AKR1C1: variants seen among roughly 807,000 people sequenced by gnomAD.
The protein encoded by AKR1C1 is 20 alpha-hydroxysteroid dehydrogenase.
In AKR1C1, 32 loss-of-function variants were observed where a neutral mutation model predicts 40.6. The observed-to-expected ratio is 0.79, with a 90% CI of 0.60 to 1.06. The LOEUF (loss-of-function observed/expected upper bound fraction) is 1.06, where lower values mean the gene tolerates loss of function less well. Ranked by LOEUF, AKR1C1 falls within the 50% of genes least tolerant of loss-of-function variation. The pLI is 0.00. For missense variants in AKR1C1, 320 were observed against 363.5 expected, an observed-to-expected ratio of 0.88 and a Z score of 0.97; for synonymous variants, 105 against 134.2, an observed-to-expected ratio of 0.78 and a Z score of 1.50.
chr10:4,978,923 A>T lies in AKR1C1; in HGVS notation c.*1181A>T, dbSNP rs1386042955. 1 of 152,230 alleles carries T rather than the reference A, an allele frequency of 6.6e-6. No individual in the cohort carries two copies. 9.4% of individuals were successfully genotyped at this position (152,230 alleles called of 1,614,324 possible). On this transcript the variant is annotated 3_prime_UTR_variant, in exon 9 of 9. Coordinates refer to ENST00000380872, the MANE Select transcript of AKR1C1 (RefSeq NM_001353.6). Reference sequence around the variant, plus strand: ...CTAAGTTAATCAGCTAATCATGAAGACATGATTTTCATTTTAGAAAACACT... The same window carrying T: ...CTAAGTTAATCAGCTAATCATGAAGTCATGATTTTCATTTTAGAAAACACT...
chr10:4,972,630 G>A lies in AKR1C1; in HGVS notation c.727G>A (p.Ala243Thr). Reference sequence around the variant, plus strand: ...GCTCTTGGAGGACCCAGTCCTTTGTGCCTTGGCAAAAAAGCACAAGCGAAC... The same window carrying A: ...GCTCTTGGAGGACCCAGTCCTTTGTACCTTGGCAAAAAAGCACAAGCGAAC... ...PVLLEDPVLC[A>T]LAKKHKRTPA... Residue 243 changes from alanine (A) to threonine (T), a missense_variant, in exon 7 of 9, where the codon GCC becomes ACC. Coordinates refer to ENST00000380872, the MANE Select transcript of AKR1C1 (RefSeq NM_001353.6). 15 of 1,613,622 alleles carry A rather than the reference G, an allele frequency of 9.3e-6. No homozygotes were observed. Among genetic ancestry groups the A allele is most frequent in the Non-Finnish European group, 1.3e-5 (15 of 1,180,038 alleles).
chr10:4,974,494 T>A (rs1836494394), intron 7 of AKR1C1, among the ~76,000 whole-genome samples: 1 of 152,110 alleles, frequency 6.6e-6, no homozygotes, highest in Non-Finnish European at 1.5e-5. Flanking sequence ...TGTCTTATCC[T>A]ATATTGGGAA....
At position 4,965,930 on chromosome 10, in the gene AKR1C1, C is replaced by T; in HGVS notation, c.101C>T (p.Ala34Val). The part of the protein sequence containing the change: ...YAPAEVPKSK[A>V]LEATKLAIEA... ...CTCCCCCAGGTTCCTAAAAGTAAAGCTTTAGAGGCCACCAAATTGGCAATT... is the reference window on the plus strand; with the variant it reads ...CTCCCCCAGGTTCCTAAAAGTAAAGTTTTAGAGGCCACCAAATTGGCAATT... The change falls in exon 2 of 9, where the codon GCT becomes GTT. Residue 34 changes from alanine to valine, a missense_variant. Coordinates refer to ENST00000380872, the MANE Select transcript of AKR1C1 (RefSeq NM_001353.6). 1 of 1,614,004 alleles carries T rather than the reference C, an allele frequency of 6.2e-7. No homozygotes were observed. The highest frequency in any genetic ancestry group is 8.5e-7 in the Non-Finnish European group (1 of 1,179,916).
chr10:4,977,526 A>G (rs1347749486), intron 8 of AKR1C1, among the ~76,000 whole-genome samples, 174 bp from the exon 9 acceptor site: 2 of 152,224 alleles, frequency 1.3e-5, no homozygotes, highest in African/African-American at 4.8e-5. Flanking sequence ...TTATTTTGAA[A>G]ATACAGATAT....
intron 5 of AKR1C1, among the ~76,000 whole-genome samples, chr10:4,970,884 G>C (rs1484861242): frequency 6.6e-6 from 1 of 151,394 alleles, no homozygotes. Context: ...TAGGTGCAGC[G>C]TACCAACATG....
intron 7 of AKR1C1, among the ~76,000 whole-genome samples, chr10:4,973,343 G>A (rs1451495026): frequency 1.3e-5 from 2 of 152,112 alleles, no homozygotes; most frequent in Non-Finnish European, 2.9e-5. Flanking sequence ...CCTAAACTCA[G>A]TCCATTCCTT....
rs1439839765 is a variant in AKR1C1 at position 4,978,256 on chromosome 10, G to T, written c.*514G>T. Reference sequence around the variant, plus strand: ...ATGGGCTCCCTCCAGCAGTGCGAGGGTCAGAGTTTCTGGAGCCTTGGGAGG... The same window carrying T: ...ATGGGCTCCCTCCAGCAGTGCGAGGTTCAGAGTTTCTGGAGCCTTGGGAGG... On this transcript the variant is annotated 3_prime_UTR_variant, in exon 9 of 9. Coordinates refer to ENST00000380872, the MANE Select transcript of AKR1C1 (RefSeq NM_001353.6). The T allele has an allele frequency of 6.7e-6, 1 of 149,156 alleles. No individual in the cohort carries two copies. The highest frequency in any genetic ancestry group is 1.5e-5 in the Non-Finnish European group (1 of 67,912). The allele number at this position is 149,156 out of a possible 1,614,324, so 9.2% of individuals were successfully genotyped here.
At position 4,981,529 on chromosome 10, in the gene AKR1C1, A is replaced by G. The variant is rs1398930405; in HGVS notation, c.*3787A>G. On this transcript the variant is annotated 3_prime_UTR_variant, in exon 9 of 9. Coordinates refer to ENST00000380872, the MANE Select transcript of AKR1C1 (RefSeq NM_001353.6). ...CCCACTTGGAGATTAGTGTGTAGAGATTTACATTGTGAATTTCTTTTCAAG... is the reference window on the plus strand; with the variant it reads ...CCCACTTGGAGATTAGTGTGTAGAGGTTTACATTGTGAATTTCTTTTCAAG... 2 of 152,180 alleles carry G rather than the reference A, an allele frequency of 1.3e-5. No individual in the cohort carries two copies. Among genetic ancestry groups the G allele is most frequent in the Non-Finnish European group, 2.9e-5 (2 of 68,030 alleles). 9.4% of individuals were successfully genotyped at this position (152,180 alleles called of 1,614,324 possible).
Position 4,965,906 on chromosome 10 carries a change from T to A in AKR1C1, c.85-8T>A. The A allele has an allele frequency of 6.2e-7, 1 of 1,611,786 alleles. No homozygotes were observed. ...GTCAGAAAATACTACCTATGGTTAC[T>A]CCCCCAGGTTCCTAAAAGTAAAGCT... is the stretch of plus-strand genomic sequence containing the variant. On this transcript the variant is annotated splice_polypyrimidine_tract_variant and splice_region_variant and intron_variant, in intron 1 of 8. Coordinates refer to ENST00000380872, the MANE Select transcript of AKR1C1 (RefSeq NM_001353.6).
At position 4,979,524 on chromosome 10, in the gene AKR1C1, C is replaced by T. The variant is rs1836582911; in HGVS notation, c.*1782C>T. On this transcript the variant is annotated 3_prime_UTR_variant, in exon 9 of 9. Transcript: ENST00000380872. ...TCATAAACTTGACTGATGTAAGTGT[C>T]AAGAAAAGATTGACATTTTGTTAAA... is the stretch of plus-strand genomic sequence containing the variant. 6.6e-6 allele frequency: 1 copy of T among 152,010 alleles called. No individual in the cohort carries two copies. The highest frequency in any genetic ancestry group is 2.4e-5 in the African/African-American group (1 of 41,286). 9.4% of individuals were successfully genotyped at this position (152,010 alleles called of 1,614,324 possible).
intron 8 of AKR1C1, among the ~76,000 whole-genome samples, chr10:4,976,434 T>A: frequency 6.6e-6 from 1 of 152,134 alleles, no homozygotes; most frequent in Non-Finnish European, 1.5e-5. Context: ...GCATTTTTAA[T>A]CATTTCAAAC....
intron 3 of AKR1C1, chr10:4,967,326 A>T (rs748905949): frequency 8.8e-6 from 10 of 1,130,402 alleles, no homozygotes; most frequent in Non-Finnish European, 1.1e-5. Flanking sequence ...GGTCTTAGTT[A>T]TGATTCCTGA....
At chr10:4,972,338 A>G in intron 6 of AKR1C1, 28 bp downstream of exon 6, 1 of 1,581,074 alleles carries the variant, frequency 6.3e-7, no homozygotes, top group Admixed American at 1.8e-5. Flanking sequence ...AAGTTTACCT[A>G]AAACACCGGT....
chr10:4,979,054 C>T lies in AKR1C1; in HGVS notation c.*1312C>T, dbSNP rs1189242081. 3 of 152,190 alleles carry T rather than the reference C, an allele frequency of 2.0e-5. No individual in the cohort carries two copies. The highest frequency in any genetic ancestry group is 2.9e-5 in the Non-Finnish European group (2 of 68,038). 9.4% of individuals were successfully genotyped at this position (152,190 alleles called of 1,614,324 possible). ...TCTAACACATTTACTCTCCACTATT[C>T]GTACTCTGGTAGCCATGTTAACCCC... On this transcript the variant is annotated 3_prime_UTR_variant, in exon 9 of 9. Coordinates refer to ENST00000380872, the MANE Select transcript of AKR1C1 (RefSeq NM_001353.6).
chr10:4,965,036 C>T (rs1353178489), intron 1 of AKR1C1, among the ~76,000 whole-genome samples: 7 of 152,274 alleles, frequency 4.6e-5, no homozygotes, highest in Middle Eastern at 6.8e-3. Flanking sequence ...TTTGTGCCTG[C>T]GAAGCAGAGT....
chr10:4,965,892 C>A (rs1405985929), intron 1 of AKR1C1, 22 bp from the exon 2 acceptor site: 4 of 1,600,970 alleles, frequency 2.5e-6, no homozygotes, highest in Non-Finnish European at 3.4e-6. Context: ...TCAGAAAATA[C>A]TACCTATGGT....
At chr10:4,974,444 C>T (rs1222146883) in intron 7 of AKR1C1, among the ~76,000 whole-genome samples, 14 of 151,856 alleles carry the variant, frequency 9.2e-5, no homozygotes, top group Admixed American at 4.6e-4. Context: ...TTCATGTAGA[C>T]TAATTTTTCA....
chr10:4,969,205 A>G (rs979633010), intron 5 of AKR1C1, among the ~76,000 whole-genome samples: 13 of 152,218 alleles, frequency 8.5e-5, no homozygotes, highest in African/African-American at 1.9e-4. Context: ...AGGATTGTCA[A>G]TTAGACTCAG....
chr10:4,973,794 A>G (rs1389483570), intron 7 of AKR1C1, among the ~76,000 whole-genome samples: 6 of 152,050 alleles, frequency 3.9e-5, no homozygotes, highest in African/African-American at 1.2e-4. Flanking sequence ...GAATATGAAT[A>G]TATATAAATT....
Sources: allele counts gnomAD v4.1 joint callset (sites outside exome capture counted in the v4.1 genomes callset), GRCh38; gene constraint gnomAD v4.1.1; transcripts MANE v1.5; gene names NCBI Gene and HGNC (gene_info 2026-07-23, HGNC 2026-07-21).